Variants in CPT1A observed in about 807,000 individuals in gnomAD.
CPT1A encodes carnitine palmitoyltransferase 1A.
A neutral mutation model predicts 100.8 loss-of-function variants in CPT1A; 64 were observed. The ratio of observed to expected loss-of-function variants is 0.63; its 90% confidence interval spans 0.52 to 0.78. The LOEUF is 0.78. Among genes scored for constraint, CPT1A ranks in the 30% least tolerant of loss-of-function variants. CPT1A has a pLI of 0.00. For synonymous variants in CPT1A, 363 were observed against 396.0 expected (o/e 0.92, Z 0.99); for missense variants, 802 against 1,034.1 (o/e 0.78, Z 3.08).
At chr11:68,837,238 C>T (rs912141373) in intron 1 of CPT1A, among the ~76,000 whole-genome samples, 1 of 152,012 alleles carries the variant, frequency 6.6e-6, no homozygotes, top group Admixed American at 6.6e-5. Flanking sequence ...TTAGTAAAGA[C>T]GAGGTTTCAC....
chr11:68,815,784 T>C (rs961230674), intron 1 of CPT1A, among the ~76,000 whole-genome samples: 3 of 149,392 alleles, frequency 2.0e-5, no homozygotes, highest in African/African-American at 7.5e-5. Context: ...CAAGCCAGCA[T>C]CCAGGCCCGT....
At chr11:68,758,948 G>A (rs554077731) in intron 18 of CPT1A, among the ~76,000 whole-genome samples, 1 of 152,170 alleles carries the variant, frequency 6.6e-6, no homozygotes, top group South Asian at 2.1e-4. Flanking sequence ...TAGGTAAAGA[G>A]AATTTTGAAA....
intron 1 of CPT1A, among the ~76,000 whole-genome samples, chr11:68,828,580 C>A (rs1331536684): frequency 1.3e-5 from 2 of 152,246 alleles, no homozygotes. Context: ...TGGCTGGGAG[C>A]CCCAGCACGC....
In CPT1A at chr11:68,762,641, C is replaced by T. The variant is rs1854660294; in HGVS notation, c.1861G>A (p.Asp621Asn). Reference sequence around the variant, plus strand: ...TGGCACATTACCGTCTGGGCCGGGTCCACCATGGCCCGCACGAAGTCGCAT... The same window carrying T: ...TGGCACATTACCGTCTGGGCCGGGTTCACCATGGCCCGCACGAAGTCGCAT... ...ESCDFVRAMV[D>N]PAQTVEQRLK... The change falls in exon 15 of 19, where the codon GAC becomes AAC. Residue 621 changes from aspartate to asparagine, a missense_variant. By Grantham distance (23) the Asp-to-Asn change is conservative (BLOSUM62 1). Transcript: ENST00000265641. The T allele has an allele frequency of 6.2e-7, 1 of 1,613,652 alleles. No individual in the cohort carries two copies. The highest frequency in any genetic ancestry group is 1.7e-5 in the Admixed American group (1 of 59,998).
At chr11:68,841,962 G>C (rs867428944), upstream of CPT1A, 601 of 985,184 alleles carry the variant, frequency 6.1e-4, 11 homozygotes, top group South Asian at 0.02. The surrounding 1 kb of genome is among the most constrained non-coding windows in gnomAD (Gnocchi z 6.3). Context: ...GGTGACTCCC[G>C]GCGCGCGGAG....
chr11:68,802,691 G>A (rs1178521836), intron 5 of CPT1A, among the ~76,000 whole-genome samples: 4 of 151,568 alleles, frequency 2.6e-5, no homozygotes, highest in Non-Finnish European at 2.9e-5. Context: ...CCAAGATCAC[G>A]CCACTGCACT....
chr11:68,773,086 T>C (rs1157855653), intron 14 of CPT1A, among the ~76,000 whole-genome samples, 179 bp downstream of exon 14: 2 of 152,162 alleles, frequency 1.3e-5, no homozygotes, highest in Admixed American at 6.5e-5. Context: ...TTGCGAACTT[T>C]GCCCGCGTGC....
At chr11:68,770,745 T>C (rs1854964121) in intron 14 of CPT1A, among the ~76,000 whole-genome samples, 2 of 152,206 alleles carry the variant, frequency 1.3e-5, no homozygotes, top group African/African-American at 4.8e-5. Context: ...GACTATTCTT[T>C]TCCTACAGTG....
intron 5 of CPT1A, 80 bp from the exon 6 acceptor site, chr11:68,799,435 A>G: frequency 6.6e-7 from 1 of 1,511,424 alleles, no homozygotes; most frequent in Non-Finnish European, 9.1e-7. Flanking sequence ...CTTGTGCCTT[A>G]GGAAAAGTTC....
chr11:68,794,159 G>A (rs767655531), intron 8 of CPT1A, among the ~76,000 whole-genome samples: 1 of 152,134 alleles, frequency 6.6e-6, no homozygotes, highest in African/African-American at 2.4e-5. Flanking sequence ...CTGGGTGAAA[G>A]AAACTAGAAT....
At position 68,808,203 on chromosome 11, in the gene CPT1A, A is replaced by T. The variant is rs557256384; in HGVS notation, c.282-565T>A. Among the ~76,000 whole-genome samples, 164 of 152,336 alleles carry T rather than the reference A, an allele frequency of 1.1e-3. 1 individual carries two copies. The Middle Eastern group carries it at 0.024, about 22-fold the overall frequency. ...TACAACTGTTACCTCCAGTATTTAT[A>T]TCAAAAGAGCTTGTTTTTGACTTAG... On this transcript the variant is annotated intron_variant, in intron 3 of 18. Transcript: ENST00000265641.
chr11:68,832,451 AAAACAAAC>A (rs369599152), intron 1 of CPT1A, among the ~76,000 whole-genome samples: 41 of 152,056 alleles, frequency 2.7e-4, no homozygotes, highest in South Asian at 8.3e-4. Context: ...CTCTGTCTCA[AAAACAAAC>A]AAACAAACAA....
chr11:68,807,404 G>C, intron 4 of CPT1A, 63 bp downstream of exon 4: 1 of 1,519,204 alleles, frequency 6.6e-7, no homozygotes, highest in East Asian at 2.3e-5. Flanking sequence ...TTCCGCAGGG[G>C]TGTCCTTCTT....
intron 12 of CPT1A, among the ~76,000 whole-genome samples, chr11:68,777,237 C>A (rs1355260795): frequency 1.3e-5 from 2 of 152,032 alleles, no homozygotes; most frequent in Non-Finnish European, 2.9e-5. Flanking sequence ...CGAGACCAGC[C>A]TGGGCAATGT....
chr11:68,763,996 G>T (rs1045417338), intron 14 of CPT1A, among the ~76,000 whole-genome samples: 1 of 152,044 alleles, frequency 6.6e-6, no homozygotes, highest in Non-Finnish European at 1.5e-5. Context: ...GGCAGGGAGG[G>T]ACAAGGGGAT....
intron 1 of CPT1A, among the ~76,000 whole-genome samples, chr11:68,816,988 T>C (rs1594365063): frequency 1.2e-5 from 1 of 81,260 alleles, no homozygotes; most frequent in Non-Finnish European, 2.3e-5. Flanking sequence ...GGGGGGTGCG[T>C]GGGTGTGTGT....
At chr11:68,805,240 C>T (rs1290700068) in intron 4 of CPT1A, among the ~76,000 whole-genome samples, 1 of 152,088 alleles carries the variant, frequency 6.6e-6, no homozygotes, top group Admixed American at 6.6e-5. Context: ...CGTTTGAGCC[C>T]AGGAGCTCGA....
intron 3 of CPT1A, among the ~76,000 whole-genome samples, chr11:68,811,986 A>G (rs1856224670): frequency 6.6e-6 from 1 of 152,146 alleles, no homozygotes; most frequent in Admixed American, 6.6e-5. Flanking sequence ...ATTCTGACAG[A>G]GTTAAGTGGG....
intron 3 of CPT1A, among the ~76,000 whole-genome samples, chr11:68,809,714 C>T (rs905835798): frequency 6.6e-6 from 1 of 152,204 alleles, no homozygotes; most frequent in Non-Finnish European, 1.5e-5. Flanking sequence ...AGACGTTGGC[C>T]CTTAACCCGG....
Sources: allele counts gnomAD v4.1 joint callset (sites outside exome capture counted in the v4.1 genomes callset), GRCh38; gene constraint gnomAD v4.1.1; non-coding constraint Gnocchi (gnomAD v3.1); transcripts MANE v1.5; gene names NCBI Gene and HGNC (gene_info 2026-07-23, HGNC 2026-07-21).